Variants in CSE1L observed in about 807,000 individuals in gnomAD.
The protein encoded by CSE1L is exportin-2.
CSE1L carries 24 observed loss-of-function variants against 120.4 expected under a neutral mutation model. That is an observed-to-expected ratio of 0.20 (90% CI 0.14 to 0.28). The LOEUF (loss-of-function observed/expected upper bound fraction) is 0.28. Ranked by LOEUF, CSE1L falls within the 10% of genes least tolerant of loss-of-function variation. The probability of loss-of-function intolerance (pLI) is 1.00; values close to 1 mark genes in which losing one functional copy is unlikely to be tolerated. For missense variants in CSE1L, 830 were observed against 1,145.2 expected, an observed-to-expected ratio of 0.72 and a Z score of 3.97; for synonymous variants, 402 against 398.3, an observed-to-expected ratio of 1.01 and a Z score of -0.11.
chr20:49,075,402 C>G lies in CSE1L; in HGVS notation c.1217C>G (p.Ser406Cys). 2 of 1,613,988 alleles carry G rather than the reference C, an allele frequency of 1.2e-6. No individual in the cohort carries two copies. Among genetic ancestry groups the G allele is most frequent in the Non-Finnish European group, 8.5e-7 (1 of 1,179,982 alleles). ...FFEGPVTGIF[S>C]GYVNSMLQEY... ...GAGGGACCTGTGACAGGAATCTTCTCTGGTTATGTTAATTCCATGCTGCAG... is the reference window on the plus strand; with the variant it reads ...GAGGGACCTGTGACAGGAATCTTCTGTGGTTATGTTAATTCCATGCTGCAG... Residue 406 changes from serine (S) to cysteine (C), a missense_variant, in exon 12 of 25, where the codon TCT becomes TGT. Ser to Cys is a moderately radical substitution (Grantham distance 112, BLOSUM62 -1). Transcript: ENST00000262982.
intron 14 of CSE1L, among the ~76,000 whole-genome samples, chr20:49,082,037 C>G (rs190363113): frequency 6.6e-6 from 1 of 152,048 alleles, no homozygotes; most frequent in African/African-American, 2.4e-5. Flanking sequence ...GCTTTTCTTA[C>G]GCTTTCACTA....
At chr20:49,088,924 G>C (rs1255358919) in intron 17 of CSE1L, among the ~76,000 whole-genome samples, 1 of 152,156 alleles carries the variant, frequency 6.6e-6, no homozygotes, top group Non-Finnish European at 1.5e-5. Flanking sequence ...AGTAGACATA[G>C]ACATTGAGGC....
chr20:49,047,620 A>G (rs1294558048), intron 1 of CSE1L, among the ~76,000 whole-genome samples: 1 of 110,800 alleles, frequency 9.0e-6, no homozygotes, highest in Non-Finnish European at 1.7e-5. Context: ...TCTGCCTCCC[A>G]GGCTGGAGTG....
rs755195826 is a variant in CSE1L at position 49,090,931 on chromosome 20, C to T, written c.2280-6C>T. ...TTTATATTGTTGATTTTTTTTAATT[C>T]TTTAGTGAATCAGTTGACCAATATA... On this transcript the variant is annotated splice_polypyrimidine_tract_variant and splice_region_variant and intron_variant, in intron 20 of 24. Coordinates refer to ENST00000262982, the MANE Select transcript of CSE1L (RefSeq NM_001316.4). 44 of 1,600,052 alleles carry T rather than the reference C, an allele frequency of 2.7e-5. No individual in the cohort carries two copies. The highest frequency in any genetic ancestry group is 3.6e-5 in the Non-Finnish European group (42 of 1,172,182).
At chr20:49,084,801 TAGGTTCTTTCCTTCATCA>T (rs3092565) in intron 15 of CSE1L, among the ~76,000 whole-genome samples, 3,390 of 152,250 alleles carry the variant, frequency 0.022, 133 homozygotes, top group African/African-American at 0.077. Flanking sequence ...AAAACAGTTC[TAGGTTCTTTCCTTCATCA>T]AGAACTTGAA....
Position 49,067,215 on chromosome 20 carries a change from G to A in CSE1L, c.502G>A (p.Glu168Lys), listed in dbSNP as rs1600602768. ...KRYRHEFKSN[E>K]LWTEIKLVLD... is the part of the protein sequence containing the mutation. ...ATACCGTCATGAATTTAAGTCAAAC[G>A]AGTTATGGACTGAAATTAAGCTTGT... Residue 168 changes from glutamate to lysine, a missense_variant, in exon 6 of 25, where the codon GAG (glutamate) becomes AAG (lysine). This residue lies in a region of CSE1L where 543 missense variants were observed against 640.2 expected (regional missense o/e 0.85). Transcript: ENST00000262982. 6.2e-7 allele frequency: 1 copy of A among 1,610,042 alleles called. No individual in the cohort carries two copies.
At chr20:49,084,312 G>C in intron 15 of CSE1L, 150 bp downstream of exon 15, 1 of 785,530 alleles carries the variant, frequency 1.3e-6, no homozygotes, top group Non-Finnish European at 1.9e-6. Flanking sequence ...AAAAGCATTT[G>C]AGGCTGCTTA....
At chr20:49,050,573 T>C (rs974446359) in intron 1 of CSE1L, among the ~76,000 whole-genome samples, 1 of 151,308 alleles carries the variant, frequency 6.6e-6, no homozygotes, top group Non-Finnish European at 1.5e-5. Context: ...CGGCTAATTT[T>C]TTTTTTTTTG....
At chr20:49,061,234 G>A (rs1391712127) in intron 2 of CSE1L, among the ~76,000 whole-genome samples, 1 of 144,220 alleles carries the variant, frequency 6.9e-6, no homozygotes, top group Non-Finnish European at 1.5e-5. Context: ...GTGCAGTGGC[G>A]CCATCTTGGC....
intron 1 of CSE1L, among the ~76,000 whole-genome samples, chr20:49,058,143 G>A (rs1347384034): frequency 1.3e-5 from 2 of 151,922 alleles, no homozygotes; most frequent in East Asian, 3.8e-4. Flanking sequence ...CTTTCCCATA[G>A]CATTAAATCA....
Position 49,088,051 on chromosome 20 carries a change from C to G in CSE1L, c.1766C>G (p.Pro589Arg), listed in dbSNP as rs903903548. Residue 589 changes from proline (P) to arginine (R), a missense_variant, in exon 17 of 25, where the codon CCC becomes CGC. By Grantham distance (103) the Pro-to-Arg change is moderately radical. Transcript: ENST00000262982. ...TCTCTCCTACAAGAAGCCATAATCCCCTACATCCCTACTCTCATCACTCAG... is the reference window on the plus strand; with the variant it reads ...TCTCTCCTACAAGAAGCCATAATCCGCTACATCCCTACTCTCATCACTCAG... ...SFSLLQEAIIPYIPTLITQLT... is the reference protein window; with the variant it reads ...SFSLLQEAIIRYIPTLITQLT... The G allele has an allele frequency of 6.2e-7, 1 of 1,612,684 alleles. No homozygotes were observed. Among genetic ancestry groups the G allele is most frequent in the Non-Finnish European group, 8.5e-7 (1 of 1,179,450 alleles).
chr20:49,068,263 T>C (rs1310962065), intron 6 of CSE1L, among the ~76,000 whole-genome samples: 3 of 152,132 alleles, frequency 2.0e-5, no homozygotes, highest in Admixed American at 2.0e-4. Context: ...TACTTTAACC[T>C]ATTTTCCACA....
At chr20:49,081,922 T>TA (rs1400859862) in intron 14 of CSE1L, among the ~76,000 whole-genome samples, 2 of 152,194 alleles carry the variant, frequency 1.3e-5, no homozygotes, top group Non-Finnish European at 2.9e-5. Flanking sequence ...TATGTATACA[T>TA]ACATATACAA....
rs1443602108 is a variant in CSE1L at position 49,096,825 on chromosome 20, GTTTA to G, written c.*392_*395del. ...CTCTTGTCCTTTATATTTTTTGTCT[GTTTA>G]TTTACGCTTTTATTGGAAATGTGAA... On this transcript the variant is annotated 3_prime_UTR_variant, in exon 25 of 25. Transcript: ENST00000262982. The G allele has an allele frequency of 5.8e-6, 1 of 171,780 alleles. No individual in the cohort carries two copies. The highest frequency in any genetic ancestry group is 1.6e-4 in the South Asian group (1 of 6,222). The allele number at this position is 171,780 out of a possible 1,614,324, so 10.6% of individuals were successfully genotyped here.
At chr20:49,093,564 CTTTTT>C (rs11477256) in intron 22 of CSE1L, among the ~76,000 whole-genome samples, 5 of 117,584 alleles carry the variant, frequency 4.3e-5, no homozygotes, top group East Asian at 5.0e-4. Context: ...GCTCCTCTCT[CTTTTT>C]TTTTTTTTTT....
rs1256347776 is a variant in CSE1L, at chr20:49,089,608, C to T, written c.2043C>T (p.Ser681=). Residue 681 remains serine, a synonymous_variant, in exon 19 of 25, where the codon TCC becomes TCT. Coordinates refer to ENST00000262982, the MANE Select transcript of CSE1L (RefSeq NM_001316.4). ...LETHKNDIPS[S]YMALFPHLLQ... ...CACACAAAAATGACATCCCGTCTTC[C>T]TATATGGCCTTATTTCCTCATCTCC... The T allele has an allele frequency of 6.2e-7, 1 of 1,614,102 alleles. No homozygotes were observed. Among genetic ancestry groups the T allele is most frequent in the South Asian group, 1.1e-5 (1 of 91,076 alleles).
intron 17 of CSE1L, 137 bp downstream of exon 17, chr20:49,088,243 C>A: frequency 3.0e-6 from 2 of 655,762 alleles, no homozygotes; most frequent in South Asian, 1.8e-5. Flanking sequence ...ATGGACTTTT[C>A]TGAAAGTGTG....
chr20:49,092,203 C>A, intron 22 of CSE1L, 76 bp downstream of exon 22: 1 of 739,568 alleles, frequency 1.4e-6, no homozygotes, highest in South Asian at 1.8e-5. Flanking sequence ...GTATCTCTGT[C>A]TTATAGATGA....
intron 1 of CSE1L, among the ~76,000 whole-genome samples, chr20:49,048,570 G>A (rs1023690247): frequency 6.6e-6 from 1 of 152,112 alleles, no homozygotes; most frequent in African/African-American, 2.4e-5. Context: ...AAGGTGAGGG[G>A]CAGAACATTC....
Sources: gnomAD v4.1 joint callset for allele counts (sites outside exome capture counted in the v4.1 genomes callset) on GRCh38, gnomAD v4.1.1 for gene constraint, gnomAD v4.1.1 regional missense constraint, MANE v1.5 for transcripts, NCBI Gene and HGNC (gene_info 2026-07-23, HGNC 2026-07-21) for gene names.